The following TMTC2 variants were observed in gnomAD, a reference collection of about 807,000 sequenced individuals.
TMTC2 encodes the protein transmembrane O-mannosyltransferase targeting cadherins 2, also known as protein O-mannosyl-transferase TMTC2.
TMTC2 carries 43 observed loss-of-function variants against 82.4 expected under a neutral mutation model. That is an observed-to-expected ratio of 0.52 (90% CI 0.41 to 0.67). The LOEUF is 0.67. TMTC2 is among the 30% of genes least tolerant of loss of function. The pLI, the probability that TMTC2 is intolerant of heterozygous loss-of-function variation, is 0.00. For synonymous variants in TMTC2, 408 were observed against 381.9 expected (o/e 1.07, Z -0.80); for missense variants, 919 against 1,012.4 (o/e 0.91, Z 1.25).
intron 9 of TMTC2, among the ~76,000 whole-genome samples, chr12:83,038,238 G>C (rs949421958): frequency 5.9e-5 from 9 of 151,830 alleles, no homozygotes; most frequent in Non-Finnish European, 1.2e-4. Flanking sequence ...GTATACGTAT[G>C]TAACTAACCT....
intron 1 of TMTC2, among the ~76,000 whole-genome samples, chr12:82,699,916 C>T (rs749564396): frequency 1.1e-4 from 17 of 152,048 alleles, no homozygotes; most frequent in Non-Finnish European, 2.2e-4. Context: ...CTGTACTGAA[C>T]ATGTACAGAT....
Position 82,896,577 on chromosome 12 carries a change from A to G in TMTC2, c.1414A>G (p.Ile472Val), listed in dbSNP as rs1415171797. The G allele has an allele frequency of 2.5e-6, 4 of 1,614,038 alleles. No homozygotes were observed. The highest frequency in any genetic ancestry group is 3.4e-6 in the Non-Finnish European group (4 of 1,180,032). ...LIVFYGLKTA[I>V]RNGDWQNEEM... The stretch of plus-strand genomic sequence containing the variant: ...TGTTTTTTATGGACTCAAGACTGCG[A>G]TCAGGAATGGAGACTGGCAGAATGA... The change falls in exon 3 of 12, where the codon ATC (isoleucine) becomes GTC (valine). Residue 472 changes from isoleucine to valine, a missense_variant. Physicochemically the swap from Ile to Val is conservative, Grantham distance 29 (BLOSUM62 3). Coordinates refer to ENST00000321196, the MANE Select transcript of TMTC2 (RefSeq NM_152588.3).
At chr12:83,078,189 A>G (rs1005745212) in intron 11 of TMTC2, among the ~76,000 whole-genome samples, 2 of 152,120 alleles carry the variant, frequency 1.3e-5, no homozygotes, top group African/African-American at 2.4e-5. Flanking sequence ...CTGACTTAGC[A>G]TAATTTTTGC....
intron 1 of TMTC2, among the ~76,000 whole-genome samples, chr12:82,733,843 T>C (rs1340222316): frequency 6.6e-6 from 1 of 152,196 alleles, no homozygotes; most frequent in African/African-American, 2.4e-5. Context: ...TATCATATAT[T>C]TACATAGCTG....
intron 11 of TMTC2, among the ~76,000 whole-genome samples, chr12:83,097,986 G>A (rs1175120886): frequency 6.6e-6 from 1 of 152,200 alleles, no homozygotes; most frequent in East Asian, 1.9e-4. Flanking sequence ...GCAGAGGGAA[G>A]CCTCTTAGAT....
intron 1 of TMTC2, among the ~76,000 whole-genome samples, chr12:82,851,372 T>C (rs1870966783): frequency 6.6e-6 from 1 of 151,592 alleles, no homozygotes; most frequent in Non-Finnish European, 1.5e-5. Context: ...GGAGGGATCA[T>C]GCCACTGCAC....
At chr12:82,814,989 G>A (rs1430866528) in intron 1 of TMTC2, among the ~76,000 whole-genome samples, 1 of 152,074 alleles carries the variant, frequency 6.6e-6, no homozygotes, top group Non-Finnish European at 1.5e-5. Flanking sequence ...TAAAGAGGAT[G>A]AGCGGGTGTA....
At chr12:82,780,738 TAAA>T (rs1296203597) in intron 1 of TMTC2, among the ~76,000 whole-genome samples, 2 of 152,122 alleles carry the variant, frequency 1.3e-5, no homozygotes, top group African/African-American at 2.4e-5. Flanking sequence ...AGGCAAATCT[TAAA>T]GAAGGCACGT....
chr12:82,900,594 GTAGGAATATATA>G (rs1239399955), intron 3 of TMTC2, among the ~76,000 whole-genome samples: 4 of 139,954 alleles, frequency 2.9e-5, no homozygotes, highest in Non-Finnish European at 6.2e-5. Context: ...ATATAGATAT[GTAGGAATATATA>G]TAGGAATATA....
intron 4 of TMTC2, among the ~76,000 whole-genome samples, chr12:82,941,937 G>A (rs1342620514): frequency 6.6e-6 from 1 of 152,042 alleles, no homozygotes; most frequent in African/African-American, 2.4e-5. Flanking sequence ...GTAAAGATGG[G>A]TTTTCACCAT....
At chr12:83,054,613 T>C (rs1216003580) in intron 10 of TMTC2, among the ~76,000 whole-genome samples, 9 of 150,788 alleles carry the variant, frequency 6.0e-5, no homozygotes, top group African/African-American at 1.9e-4. Context: ...CATTTATATA[T>C]ATAGTATACA....
intron 1 of TMTC2, among the ~76,000 whole-genome samples, chr12:82,711,215 A>C (rs1316230064): frequency 1.3e-5 from 2 of 152,234 alleles, no homozygotes; most frequent in Non-Finnish European, 2.9e-5. Context: ...TTGGAAGCGT[A>C]GTAAGGTCAG....
chr12:82,873,480 C>G (rs1290453410), intron 2 of TMTC2, among the ~76,000 whole-genome samples: 4 of 151,878 alleles, frequency 2.6e-5, no homozygotes, highest in African/African-American at 9.7e-5. Context: ...TTTGTTTTTT[C>G]AAAACTATGA....
At chr12:82,845,337 G>A (rs1222805518) in intron 1 of TMTC2, among the ~76,000 whole-genome samples, 2 of 147,330 alleles carry the variant, frequency 1.4e-5, no homozygotes, top group Admixed American at 6.8e-5. Context: ...TTATTGTAGG[G>A]GAAACATAGT....
At chr12:82,767,175 G>T (rs1263276900) in intron 1 of TMTC2, among the ~76,000 whole-genome samples, 1 of 152,104 alleles carries the variant, frequency 6.6e-6, no homozygotes, top group Non-Finnish European at 1.5e-5. Context: ...TTACAGTATT[G>T]CTGCCTTTTG....
chr12:83,095,208 A>T (rs1883980793), intron 11 of TMTC2, among the ~76,000 whole-genome samples: 1 of 151,212 alleles, frequency 6.6e-6, no homozygotes, highest in Non-Finnish European at 1.5e-5. Context: ...AGAAAAGCCA[A>T]AATTTCATGG....
chr12:83,083,359 G>A (rs1274891113), intron 11 of TMTC2, among the ~76,000 whole-genome samples: 2 of 152,122 alleles, frequency 1.3e-5, no homozygotes, highest in African/African-American at 4.8e-5. Flanking sequence ...AAACAATGTG[G>A]CTTGCTCGGG....
At chr12:82,736,867 C>A (rs1056643626) in intron 1 of TMTC2, among the ~76,000 whole-genome samples, 6 of 152,128 alleles carry the variant, frequency 3.9e-5, no homozygotes, top group Admixed American at 2.6e-4. Flanking sequence ...TAATGAATAT[C>A]CCAGTTATAG....
intron 3 of TMTC2, among the ~76,000 whole-genome samples, chr12:82,927,565 A>G (rs953796343): frequency 6.6e-6 from 1 of 152,244 alleles, no homozygotes; most frequent in Non-Finnish European, 1.5e-5. Flanking sequence ...GATTGAGACT[A>G]ATTCTGAAAG....
Sources: gnomAD v4.1 joint callset for allele counts (sites outside exome capture counted in the v4.1 genomes callset) on GRCh38, gnomAD v4.1.1 for gene constraint, MANE v1.5 for transcripts, NCBI Gene and HGNC (gene_info 2026-07-23, HGNC 2026-07-21) for gene names.